Variants in FA2H observed in about 807,000 individuals in gnomAD.
The protein encoded by FA2H is fatty acid alpha-hydroxylase.
FA2H carries 22 observed loss-of-function variants against 44.9 expected under a neutral mutation model. The observed-to-expected ratio is 0.49, with a 90% CI of 0.35 to 0.70. FA2H has a LOEUF of 0.70. Ranked by LOEUF, FA2H falls within the 30% of genes least tolerant of loss-of-function variation. FA2H has a pLI of 0.01. For missense variants in FA2H, 501 were observed against 504.9 expected (o/e 0.99, Z 0.07); for synonymous variants, 243 against 213.2 (o/e 1.14, Z -1.22).
intron 1 of FA2H, 30 bp from the exon 2 acceptor site, chr16:74,740,145 C>T (rs758321844): frequency 7.0e-6 from 11 of 1,566,290 alleles, no homozygotes; most frequent in Middle Eastern, 1.7e-4. Flanking sequence ...GAGGATTATA[C>T]ACAGTGGGTG....
At chr16:74,763,703 T>C (rs1258328371) in intron 1 of FA2H, among the ~76,000 whole-genome samples, 3 of 121,152 alleles carry the variant, frequency 2.5e-5, no homozygotes, top group Non-Finnish European at 3.8e-5. Flanking sequence ...GAACTAGAAT[T>C]CTACTCCCCC....
rs1328950697 is a variant in FA2H at position 74,774,816 on chromosome 16, C to G, written c.-61G>C. 3.2e-6 allele frequency: 4 copies of G among 1,244,320 alleles called. No individual in the cohort carries two copies. Among genetic ancestry groups the G allele is most frequent in the Non-Finnish European group, 2.0e-6 (2 of 996,304 alleles). 77.1% of individuals were successfully genotyped at this position (1,244,320 alleles called of 1,614,324 possible). A position where few individuals can be genotyped will look rare whatever the true frequency, so the allele number is the denominator to read the frequency against. The stretch of plus-strand genomic sequence containing the variant: ...GTCTGCTCTGCTGCCACCCTGAGCG[C>G]CTCTAACATCCCGGGAGCCCCGCGG... On this transcript the variant is annotated 5_prime_UTR_variant, in exon 1 of 7. Coordinates refer to ENST00000219368, the MANE Select transcript of FA2H (RefSeq NM_024306.5).
At chr16:74,766,310 A>G (rs1962807732) in intron 1 of FA2H, among the ~76,000 whole-genome samples, 1 of 146,716 alleles carries the variant, frequency 6.8e-6, no homozygotes, top group Non-Finnish European at 1.5e-5. Context: ...TGTCTCAATA[A>G]AAAAAAAAAA....
At chr16:74,767,440 T>C (rs776452808) in intron 1 of FA2H, among the ~76,000 whole-genome samples, 12 of 152,230 alleles carry the variant, frequency 7.9e-5, no homozygotes, top group Admixed American at 6.5e-4. Flanking sequence ...TCTGTGAATA[T>C]GCTACCTGAC....
chr16:74,714,834 AT>A (rs528963288), intron 6 of FA2H, among the ~76,000 whole-genome samples: 2,154 of 137,868 alleles, frequency 0.016, 21 homozygotes, highest in South Asian at 0.028. Context: ...AGTTACTGGA[AT>A]TTTTTTTTTT....
intron 2 of FA2H, among the ~76,000 whole-genome samples, chr16:74,729,961 G>A (rs775437015): frequency 6.6e-5 from 10 of 152,140 alleles, no homozygotes; most frequent in South Asian, 2.1e-4. Context: ...AGGGCTGCAC[G>A]TGGAAGAGCT....
rs375039089 is a variant in FA2H, at chr16:74,765,447, G to A, written c.270+9039C>T. On this transcript the variant is annotated intron_variant, in intron 1 of 6. Transcript: ENST00000219368. ...GCTGGGATTACAGGCATGAGCCACCGTGCCCGGCTATGTTTCATTCTTAAA... is the reference window on the plus strand; with the variant it reads ...GCTGGGATTACAGGCATGAGCCACCATGCCCGGCTATGTTTCATTCTTAAA... 6.0e-5 allele frequency among the ~76,000 whole-genome samples: 9 copies of A among 151,160 alleles called. No homozygotes were observed. The South Asian group carries it at 8.4e-4, about 14-fold the overall frequency.
intron 2 of FA2H, among the ~76,000 whole-genome samples, chr16:74,735,743 G>A (rs1465916747): frequency 6.6e-6 from 1 of 152,172 alleles, no homozygotes; most frequent in African/African-American, 2.4e-5. Context: ...CACCTTGGGA[G>A]GCCAAGGTGG....
intron 2 of FA2H, among the ~76,000 whole-genome samples, chr16:74,728,447 C>T (rs1233063089): frequency 6.6e-6 from 1 of 151,880 alleles, no homozygotes; most frequent in Non-Finnish European, 1.5e-5. Context: ...TGGAGTTCAT[C>T]AACATGGGGG....
intron 5 of FA2H, chr16:74,716,900 T>G (rs1422321902): frequency 2.4e-6 from 1 of 419,008 alleles, no homozygotes; most frequent in East Asian, 4.1e-5. Context: ...GAGCCCATCT[T>G]ATAGAGGCCA....
intron 4 of FA2H, among the ~76,000 whole-genome samples, chr16:74,722,082 C>T (rs1961853809): frequency 6.6e-6 from 1 of 152,206 alleles, no homozygotes; most frequent in South Asian, 2.1e-4. Context: ...CCCTGCTCGG[C>T]AGTGCAAAGC....
chr16:74,743,846 C>T (rs1316718647), intron 1 of FA2H, among the ~76,000 whole-genome samples: 2 of 152,186 alleles, frequency 1.3e-5, no homozygotes, highest in African/African-American at 2.4e-5. Context: ...ATGGGACACA[C>T]CTCCAACATG....
At chr16:74,744,153 C>T (rs781235320) in intron 1 of FA2H, among the ~76,000 whole-genome samples, 2 of 152,164 alleles carry the variant, frequency 1.3e-5, no homozygotes, top group African/African-American at 4.8e-5. Context: ...TTCCAGACTC[C>T]CGCCCCGGTG....
chr16:74,715,376 C>G (rs555278840), intron 6 of FA2H, among the ~76,000 whole-genome samples: 33 of 152,192 alleles, frequency 2.2e-4, no homozygotes, highest in Middle Eastern at 3.4e-3. Context: ...ATTGCTGCCT[C>G]AAACTCCTGG....
intron 2 of FA2H, among the ~76,000 whole-genome samples, chr16:74,730,298 T>C (rs1378422255): frequency 6.6e-6 from 1 of 152,086 alleles, no homozygotes. Flanking sequence ...CTGGCTGCCT[T>C]CCTGTGGCAG....
chr16:74,714,645 C>T (rs1017751659), intron 6 of FA2H, among the ~76,000 whole-genome samples: 1 of 151,830 alleles, frequency 6.6e-6, no homozygotes, highest in African/African-American at 2.4e-5. Context: ...GGTCTTAGCT[C>T]TAATGGCACC....
At chr16:74,738,549 T>C (rs1322795691) in intron 2 of FA2H, among the ~76,000 whole-genome samples, 1 of 152,228 alleles carries the variant, frequency 6.6e-6, no homozygotes, top group Non-Finnish European at 1.5e-5. Context: ...ATCACCCTGA[T>C]GGCTGCCACA....
intron 5 of FA2H, among the ~76,000 whole-genome samples, chr16:74,718,432 C>G (rs545536672): frequency 6.6e-6 from 1 of 152,062 alleles, no homozygotes; most frequent in Non-Finnish European, 1.5e-5. Flanking sequence ...CTGGGACTGT[C>G]GTGGAGTCCT....
chr16:74,745,109 T>A (rs141435344), intron 1 of FA2H, among the ~76,000 whole-genome samples: 1 of 152,250 alleles, frequency 6.6e-6, no homozygotes, highest in East Asian at 1.9e-4. Flanking sequence ...ACAGAAGCCC[T>A]CATCCCAGTC....
Sources: allele counts gnomAD v4.1 joint callset (sites outside exome capture counted in the v4.1 genomes callset), GRCh38; gene constraint gnomAD v4.1.1; transcripts MANE v1.5; gene names NCBI Gene and HGNC (gene_info 2026-07-23, HGNC 2026-07-21).